The following CLIP3 variants were observed in gnomAD, a reference collection of about 807,000 sequenced individuals.
The protein encoded by CLIP3 is CAP-Gly domain containing linker protein 3, also known as CAP-Gly domain-containing linker protein 3.
A neutral mutation model predicts 59.4 loss-of-function variants in CLIP3; 15 were observed. The observed-to-expected ratio is 0.25, with a 90% confidence interval of 0.17 to 0.39. The LOEUF (loss-of-function observed/expected upper bound fraction) is 0.39. Among genes scored for constraint, CLIP3 ranks in the 10% least tolerant of loss-of-function variants. CLIP3 has a pLI of 1.00. For missense variants in CLIP3, 495 were observed against 765.7 expected (o/e 0.65, Z 4.17); for synonymous variants, 300 against 321.6 (o/e 0.93, Z 0.72).
Position 36,032,256 on chromosome 19 carries a change from G to A in CLIP3, c.102C>T (p.Thr34=). The change falls in exon 2 of 14, where the codon ACC becomes ACT. Residue 34 remains threonine, a synonymous_variant. Transcript: ENST00000360535. The surrounding 1 kb of genome is among the most constrained non-coding windows in gnomAD (Gnocchi z 4.3). ...CAACAGGCTTCTGCCGGCGCTCCTG[G>A]GTGGGGCTGGGGGCCTCGGGGACGG... is the stretch of plus-strand genomic sequence containing the variant. ...DEPVPEAPSP[T]QERRQKPVVH... 1 of 1,305,136 alleles carries A rather than the reference G, an allele frequency of 7.7e-7. No individual in the cohort carries two copies. The highest frequency in any genetic ancestry group is 9.8e-7 in the Non-Finnish European group (1 of 1,017,156). The allele number at this position is 1,305,136 out of a possible 1,614,324, so 80.8% of individuals were successfully genotyped here.
chr19:36,030,114 G>GTT (rs1969218021), intron 2 of CLIP3, among the ~76,000 whole-genome samples: 1 of 152,058 alleles, frequency 6.6e-6, no homozygotes, highest in Non-Finnish European at 1.5e-5. Flanking sequence ...GGAGTGCAGT[G>GTT]GTGCAATCCT....
chr19:36,026,579 T>A lies in CLIP3; in HGVS notation c.562+7A>T. 1.9e-6 allele frequency: 3 copies of A among 1,613,196 alleles called. No individual in the cohort carries two copies. The highest frequency in any genetic ancestry group is 2.5e-6 in the Non-Finnish European group (3 of 1,179,752). ...TGCCCCCTCCCAGCCAGGGCTCTCC[T>A]CCTCACCTCGCGGCCTCGCACCCTT... On this transcript the variant is annotated splice_region_variant and intron_variant, in intron 5 of 13. Coordinates refer to ENST00000360535, the MANE Select transcript of CLIP3 (RefSeq NM_015526.3). This position sits in a 1 kb window ranked among gnomAD's most constrained non-coding sequence, Gnocchi z 6.3.
At chr19:36,025,086 G>A (rs1685938792) in intron 6 of CLIP3, among the ~76,000 whole-genome samples, 2 of 151,644 alleles carry the variant, frequency 1.3e-5, no homozygotes, top group African/African-American at 2.4e-5. Context: ...AAAAAGAAGG[G>A]GCAGGGCAGA....
intron 2 of CLIP3, among the ~76,000 whole-genome samples, chr19:36,031,435 T>C (rs1969264439): frequency 6.6e-6 from 1 of 152,190 alleles, no homozygotes; most frequent in Non-Finnish European, 1.5e-5. Context: ...CATGCCTGGA[T>C]CACTTAGGAT....
intron 7 of CLIP3, among the ~76,000 whole-genome samples, chr19:36,022,919 G>C (rs1277202551): frequency 6.6e-6 from 1 of 152,138 alleles, no homozygotes; most frequent in East Asian, 1.9e-4. Context: ...GCCAGGCATG[G>C]TGGTGGGCAC....
chr19:36,031,513 A>G (rs1181504408), intron 2 of CLIP3, among the ~76,000 whole-genome samples: 2 of 152,160 alleles, frequency 1.3e-5, no homozygotes, highest in African/African-American at 4.8e-5. Flanking sequence ...CGCTCGGTCA[A>G]TGATTAGACA....
In CLIP3 at chr19:36,026,328, C is replaced by T. The variant is rs1969105790; in HGVS notation, c.563-63G>A. 2 of 1,412,110 alleles carry T rather than the reference C, an allele frequency of 1.4e-6. No homozygotes were observed. The highest frequency in any genetic ancestry group is 2.0e-6 in the Non-Finnish European group (2 of 1,003,472). The allele number at this position is 1,412,110 out of a possible 1,614,324, so 87.5% of individuals were successfully genotyped here. On this transcript the variant is annotated intron_variant, in intron 5 of 13. Transcript: ENST00000360535. This position sits in a 1 kb window ranked among gnomAD's most constrained non-coding sequence, Gnocchi z 6.3. ...CTGTGGGACCCCAGCCCTCCTCCCA[C>T]CTCGGGGCTCATCTCTTAACTTGCA...
Position 36,017,737 on chromosome 19 carries a change from G to A in CLIP3, c.1369C>T (p.His457Tyr). 6.2e-7 allele frequency: 1 copy of A among 1,614,202 alleles called. No individual in the cohort carries two copies. The highest frequency in any genetic ancestry group is 8.5e-7 in the Non-Finnish European group (1 of 1,180,044). ...GIELDQPTGK[H>Y]DGSVFGVRYF... ...CGGACACCGAAGACAGAGCCATCAT[G>A]CTTGCCTGTGGGCTGGTCCAGCTCA... The change falls in exon 11 of 14, where the codon CAT (histidine) becomes TAT (tyrosine). Residue 457 changes from histidine (H) to tyrosine (Y), a missense_variant. His to Tyr is a moderately conservative substitution (Grantham distance 83). Transcript: ENST00000360535.
At chr19:36,023,324 C>T (rs915324594) in intron 7 of CLIP3, among the ~76,000 whole-genome samples, 2 of 152,122 alleles carry the variant, frequency 1.3e-5, no homozygotes, top group Non-Finnish European at 2.9e-5. Flanking sequence ...CCTCACCGCC[C>T]TTCCCATAAC....
intron 2 of CLIP3, among the ~76,000 whole-genome samples, chr19:36,029,202 C>G (rs1969193891): frequency 6.6e-6 from 1 of 150,888 alleles, no homozygotes; most frequent in Admixed American, 6.6e-5. Flanking sequence ...TGCCTGTAAT[C>G]CCAGCTACTC....
At chr19:36,020,531 G>A (rs753592018) in intron 7 of CLIP3, among the ~76,000 whole-genome samples, 1 of 151,472 alleles carries the variant, frequency 6.6e-6, no homozygotes, top group African/African-American at 2.4e-5. Context: ...TTGAACCCAG[G>A]AGGGTTGCAG....
At chr19:36,019,569 T>C (rs536001371) in intron 7 of CLIP3, among the ~76,000 whole-genome samples, 1 of 151,832 alleles carries the variant, frequency 6.6e-6, no homozygotes, top group East Asian at 1.9e-4. Flanking sequence ...ACTAGCCACA[T>C]AGGACAATGT....
chr19:36,019,608 T>TTTTA lies in CLIP3; in HGVS notation c.919-303_919-302insTAAA, dbSNP rs1555787371. On this transcript the variant is annotated intron_variant, in intron 7 of 13. Coordinates refer to ENST00000360535, the MANE Select transcript of CLIP3 (RefSeq NM_015526.3). ...TTTATTTATTTATTTATTTTATTTA[T>TTTTA]TTTTTTTTTTTTCGAGACAGCGTCT... Among the ~76,000 whole-genome samples, 144 of 113,920 alleles carry TTTTA rather than the reference T, an allele frequency of 1.3e-3. 1 individual carries two copies. Among genetic ancestry groups the TTTTA allele is most frequent in the African/African-American group, 4.2e-3 (140 of 33,600 alleles). The allele number at this position is 113,920 out of a possible 152,430, so 74.7% of individuals were successfully genotyped here.
chr19:36,017,771 C>G lies in CLIP3; in HGVS notation c.1335G>C (p.Trp445Cys), dbSNP rs774043505. 6.2e-7 allele frequency: 1 copy of G among 1,614,152 alleles called. No homozygotes were observed. The highest frequency in any genetic ancestry group is 8.5e-7 in the Non-Finnish European group (1 of 1,180,036). ...YGKTDFAPGY[W>C]YGIELDQPTG... ...TGGGCTGGTCCAGCTCAATGCCATA[C>G]CAGTAACCTGCAGCACGAGGGTGTC... Residue 445 changes from tryptophan to cysteine, a missense_variant, in exon 11 of 14, where the codon TGG becomes TGC. Physicochemically the swap from Trp to Cys is radical, Grantham distance 215. Coordinates refer to ENST00000360535, the MANE Select transcript of CLIP3 (RefSeq NM_015526.3).
intron 8 of CLIP3, 23 bp downstream of exon 8, chr19:36,019,148 C>T: frequency 6.2e-7 from 1 of 1,613,842 alleles, no homozygotes; most frequent in South Asian, 1.1e-5. Flanking sequence ...CCACACCCCT[C>T]TTGGGCCCGA....
chr19:36,031,024 T>TTTTTTTTTTTTTTTTTTTTTC (rs1969251111), intron 2 of CLIP3, among the ~76,000 whole-genome samples: 22 of 73,588 alleles, frequency 3.0e-4, no homozygotes, highest in East Asian at 2.2e-3. Context: ...TTTTTTTTTC[T>TTTTTTTTTTTTTTTTTTTTTC]TTTTTTTTTT....
Position 36,015,733 on chromosome 19 carries a change from G to T in CLIP3, c.*425C>A. ...GAATGTCTGTTACTCTTTTGCTTTG[G>T]GGGTGTGACCTATGTTTATTTCAAG... On this transcript the variant is annotated 3_prime_UTR_variant, in exon 14 of 14. Coordinates refer to ENST00000360535, the MANE Select transcript of CLIP3 (RefSeq NM_015526.3). 1 of 200,426 alleles carries T rather than the reference G, an allele frequency of 5.0e-6. No individual in the cohort carries two copies. Among genetic ancestry groups the T allele is most frequent in the Non-Finnish European group, 1.0e-5 (1 of 95,734 alleles). The allele number at this position is 200,426 out of a possible 1,614,324, so 12.4% of individuals were successfully genotyped here. A position where few individuals can be genotyped will look rare whatever the true frequency, so the allele number is the denominator to read the frequency against.
At chr19:36,017,490 A>G (rs2073896) in intron 11 of CLIP3, 40 bp from the exon 12 acceptor site, 570,874 of 1,611,658 alleles carry the variant, frequency 0.35, 107,130 homozygotes, top group African/African-American at 0.68. Context: ...AGAGCCACAA[A>G]AGGCCAGGGT....
chr19:36,031,334 A>T (rs1244226337), intron 2 of CLIP3, among the ~76,000 whole-genome samples: 1 of 151,888 alleles, frequency 6.6e-6, no homozygotes, highest in Non-Finnish European at 1.5e-5. Context: ...TCTTTCTTTC[A>T]TAGCACTTGC....
Sources: gnomAD v4.1 joint callset for allele counts (sites outside exome capture counted in the v4.1 genomes callset) on GRCh38, gnomAD v4.1.1 for gene constraint, Gnocchi (gnomAD v3.1) non-coding constraint, MANE v1.5 for transcripts, NCBI Gene and HGNC (gene_info 2026-07-23, HGNC 2026-07-21) for gene names.